NCOA2: variants seen among roughly 807,000 people sequenced by gnomAD.
NCOA2 encodes class E basic helix-loop-helix protein 75.
A neutral mutation model predicts 145.1 loss-of-function variants in NCOA2; 21 were observed. The ratio of observed to expected loss-of-function variants is 0.14; its 90% CI spans 0.10 to 0.21. The LOEUF is 0.21. NCOA2 is among the 10% of genes least tolerant of loss of function. The pLI is 1.00. For missense variants in NCOA2, 1,472 were observed against 1,837.6 expected (o/e 0.80, Z 3.64); for synonymous variants, 619 against 637.5 (o/e 0.97, Z 0.44).
At chr8:70,192,179 T>C (rs936608103) in intron 4 of NCOA2, among the ~76,000 whole-genome samples, 1 of 152,242 alleles carries the variant, frequency 6.6e-6, no homozygotes, top group Non-Finnish European at 1.5e-5. Context: ...AGTAGGAGTT[T>C]TTAAGATTTG....
At chr8:70,266,022 T>C (rs1824553406) in intron 2 of NCOA2, among the ~76,000 whole-genome samples, 2 of 152,096 alleles carry the variant, frequency 1.3e-5, no homozygotes, top group Non-Finnish European at 2.9e-5. Context: ...TGGTGGTGCA[T>C]GCCTGTAGGC....
chr8:70,313,820 A>G (rs868495379), intron 1 of NCOA2, among the ~76,000 whole-genome samples: 3 of 152,114 alleles, frequency 2.0e-5, no homozygotes, highest in Non-Finnish European at 2.9e-5. Flanking sequence ...TATTATATCC[A>G]TTTTATAATT....
chr8:70,110,934 T>C lies in NCOA2; in HGVS notation c.*2698A>G. On this transcript the variant is annotated 3_prime_UTR_variant, in exon 23 of 23. Coordinates refer to ENST00000452400, the MANE Select transcript of NCOA2 (RefSeq NM_006540.4). Reference sequence around the variant, plus strand: ...AGTGAAACACTGATTATTTGTTCTATTAAACAAAAACCAAGTACTCAGTCT... The same window carrying C: ...AGTGAAACACTGATTATTTGTTCTACTAAACAAAAACCAAGTACTCAGTCT... 4.5e-6 allele frequency: 1 copy of C among 222,082 alleles called. No homozygotes were observed. The allele number at this position is 222,082 out of a possible 1,614,324, so 13.8% of individuals were successfully genotyped here.
At chr8:70,117,831 T>TA (rs1388826913) in intron 22 of NCOA2, among the ~76,000 whole-genome samples, 1 of 152,254 alleles carries the variant, frequency 6.6e-6, no homozygotes, top group Non-Finnish European at 1.5e-5. Flanking sequence ...AAACTTTTAA[T>TA]AGAGAATAGG....
chr8:70,443,571 T>G, the NCOA2 span, among the ~76,000 whole-genome samples: 2 of 151,980 alleles, frequency 1.3e-5, no homozygotes, highest in Non-Finnish European at 1.5e-5. Flanking sequence ...TCTGTAAAAT[T>G]TTGTTTAGAG....
At chr8:70,197,374 A>G (rs1405387740) in intron 4 of NCOA2, among the ~76,000 whole-genome samples, 3 of 152,228 alleles carry the variant, frequency 2.0e-5, no homozygotes, top group African/African-American at 7.2e-5. Flanking sequence ...TACTAAATGC[A>G]GGCACAGGCC....
rs957695262 is a variant in NCOA2, at chr8:70,128,870, C to A, written c.3435G>T (p.Gln1145His). 9.3e-6 allele frequency: 15 copies of A among 1,614,002 alleles called. No individual in the cohort carries two copies. The highest frequency in any genetic ancestry group is 1.3e-5 in the Non-Finnish European group (15 of 1,179,882). ...GATCTTGCATGGGAGAATAGCTACC[C>A]TGGGCCATTTGTGCCTGAGATGCAT... The part of the protein sequence containing the change: ...QQYASQAQMA[Q>H]GSYSPMQDPN... The change falls in exon 17 of 23, where the codon CAG becomes CAT. Residue 1145 changes from glutamine (Q) to histidine (H), a missense_variant. Around this residue, in one of 4 missense-constraint regions of NCOA2, gnomAD observed 953 missense variants for 1,062.1 expected, o/e 0.90. Coordinates refer to ENST00000452400, the MANE Select transcript of NCOA2 (RefSeq NM_006540.4).
chr8:70,346,996 A>T (rs1181633957), intron 1 of NCOA2, among the ~76,000 whole-genome samples: 1 of 152,206 alleles, frequency 6.6e-6, no homozygotes, highest in African/African-American at 2.4e-5. Context: ...ATTCACATTA[A>T]ATTGGCCTAT....
chr8:70,322,602 T>C (rs963588152), intron 1 of NCOA2, among the ~76,000 whole-genome samples: 2 of 152,216 alleles, frequency 1.3e-5, no homozygotes, highest in African/African-American at 2.4e-5. Context: ...CAACAAACCA[T>C]ATCTCAAGTA....
At chr8:70,376,508 T>C (rs964444749) in intron 1 of NCOA2, among the ~76,000 whole-genome samples, 2 of 152,182 alleles carry the variant, frequency 1.3e-5, no homozygotes, top group Non-Finnish European at 2.9e-5. Flanking sequence ...TCCACTAAAG[T>C]GATTCAGGAC....
chr8:70,260,351 T>G (rs1232288214), intron 2 of NCOA2, among the ~76,000 whole-genome samples: 4 of 152,066 alleles, frequency 2.6e-5, no homozygotes, highest in African/African-American at 9.7e-5. Context: ...CAAGCTAATC[T>G]CGATCTCCTG....
chr8:70,221,467 C>A (rs1290801062), intron 2 of NCOA2, among the ~76,000 whole-genome samples: 1 of 152,100 alleles, frequency 6.6e-6, no homozygotes, highest in Non-Finnish European at 1.5e-5. Flanking sequence ...CTGGGCCAGG[C>A]TCTGATAAGT....
At chr8:70,297,425 G>A (rs1563735860) in intron 1 of NCOA2, among the ~76,000 whole-genome samples, 1 of 152,072 alleles carries the variant, frequency 6.6e-6, no homozygotes. Context: ...CCTCAAACTC[G>A]TAGGCTCAGG....
rs1585727791 is a variant in NCOA2 at position 70,123,791 on chromosome 8, T to TA, written c.4293+92dup. ...CAAAGTAAATGTGGGAGTTGGTGGC[T>TA]AAAGTCAGATACATGGAAAGATATA... On this transcript the variant is annotated intron_variant, in intron 21 of 22. Transcript: ENST00000452400. 75 of 1,107,756 alleles carry TA rather than the reference T, an allele frequency of 6.8e-5. No homozygotes were observed. The East Asian group carries it at 2.0e-3, about 30-fold the overall frequency. 68.6% of individuals were successfully genotyped at this position (1,107,756 alleles called of 1,614,324 possible).
chr8:70,290,524 T>C (rs951154018), intron 2 of NCOA2, among the ~76,000 whole-genome samples: 6 of 152,094 alleles, frequency 3.9e-5, no homozygotes, highest in Non-Finnish European at 8.8e-5. Context: ...GAATCATTCA[T>C]GAAATAGCAA....
intron 2 of NCOA2, among the ~76,000 whole-genome samples, chr8:70,225,138 T>A (rs1401602715): frequency 6.6e-6 from 1 of 152,086 alleles, no homozygotes; most frequent in Admixed American, 6.6e-5. Flanking sequence ...AATATAGCAA[T>A]AAACCCAATA....
intron 16 of NCOA2, among the ~76,000 whole-genome samples, chr8:70,130,271 C>G (rs1808942524): frequency 6.6e-6 from 1 of 152,152 alleles, no homozygotes; most frequent in Admixed American, 6.5e-5. Context: ...AAACATATTT[C>G]TATAATTCAG....
intron 4 of NCOA2, among the ~76,000 whole-genome samples, chr8:70,185,098 A>G (rs760607437): frequency 2.6e-5 from 4 of 152,104 alleles, no homozygotes; most frequent in Non-Finnish European, 5.9e-5. Flanking sequence ...ATGTCATTCT[A>G]AAGAGACTGC....
intron 2 of NCOA2, among the ~76,000 whole-genome samples, chr8:70,262,345 A>C (rs1199858801): frequency 6.6e-6 from 1 of 152,224 alleles, no homozygotes; most frequent in Non-Finnish European, 1.5e-5. Flanking sequence ...TTAATGATTA[A>C]GCACATGCAC....
Sources: allele counts gnomAD v4.1 joint callset (sites outside exome capture counted in the v4.1 genomes callset), GRCh38; gene constraint gnomAD v4.1.1; regional missense constraint gnomAD v4.1.1; transcripts MANE v1.5; gene names NCBI Gene and HGNC (gene_info 2026-07-23, HGNC 2026-07-21).